MOGAT1: variants seen among roughly 807,000 people sequenced by gnomAD.
MOGAT1 encodes the protein monoacylglycerol O-acyltransferase 1.
MOGAT1 carries 32 observed loss-of-function variants against 31.4 expected under a neutral mutation model. The observed-to-expected ratio is 1.02, with a 90% CI of 0.77 to 1.37. MOGAT1 has a LOEUF of 1.37. MOGAT1 is among the 40% of genes most tolerant of loss of function. The pLI is 0.00. For missense variants in MOGAT1, 426 were observed against 402.0 expected, an observed-to-expected ratio of 1.06 and a Z score of -0.51; for synonymous variants, 145 against 144.5, an observed-to-expected ratio of 1.00 and a Z score of -0.03.
At chr2:222,675,540 C>T (rs1214273102) in intron 1 of MOGAT1, among the ~76,000 whole-genome samples, 2 of 144,544 alleles carry the variant, frequency 1.4e-5, no homozygotes, top group Non-Finnish European at 3.0e-5. Flanking sequence ...AGTGCAGTGG[C>T]GCGATCTCGG....
At chr2:222,675,721 T>C (rs981482467) in intron 1 of MOGAT1, among the ~76,000 whole-genome samples, 8 of 152,124 alleles carry the variant, frequency 5.3e-5, no homozygotes, top group Non-Finnish European at 1.2e-4. Flanking sequence ...CCTTGTGATC[T>C]GCCTGCCTCG....
chr2:222,703,763 C>G (rs1186163200), intron 5 of MOGAT1, among the ~76,000 whole-genome samples: 2 of 152,098 alleles, frequency 1.3e-5, no homozygotes, highest in Non-Finnish European at 2.9e-5. Flanking sequence ...GAGAGCAATT[C>G]CTGCATGAGA....
At chr2:222,689,729 T>TTAA (rs1189744784) in intron 3 of MOGAT1, among the ~76,000 whole-genome samples, 1 of 152,194 alleles carries the variant, frequency 6.6e-6, no homozygotes, top group Non-Finnish European at 1.5e-5. Flanking sequence ...GTTCAATGAA[T>TTAA]ATTAACACAA....
chr2:222,682,489 G>A (rs1692596295), intron 1 of MOGAT1, among the ~76,000 whole-genome samples: 1 of 152,154 alleles, frequency 6.6e-6, no homozygotes, highest in South Asian at 2.1e-4. Context: ...ACTTGACTAA[G>A]GTGATGGAAT....
At position 222,709,676 on chromosome 2, in the gene MOGAT1, C is replaced by A; in HGVS notation, c.854-60C>A. 4 of 1,498,686 alleles carry A rather than the reference C, an allele frequency of 2.7e-6. No individual in the cohort carries two copies. In the South Asian group the frequency reaches 4.9e-5, roughly 18 times the overall value. The allele number at this position is 1,498,686 out of a possible 1,614,324, so 92.8% of individuals were successfully genotyped here. A position where few individuals can be genotyped will look rare whatever the true frequency, so the allele number is the denominator to read the frequency against. ...TGTGTTCACAGCTGTGCATTAGGGGCGGCGGTCTGTGGTGGAGTGGTTTTA... is the reference window on the plus strand; with the variant it reads ...TGTGTTCACAGCTGTGCATTAGGGGAGGCGGTCTGTGGTGGAGTGGTTTTA... On this transcript the variant is annotated intron_variant, in intron 5 of 5. Transcript: ENST00000446656.
intron 1 of MOGAT1, among the ~76,000 whole-genome samples, chr2:222,687,043 G>A (rs865884107): frequency 7.5e-5 from 11 of 146,558 alleles, no homozygotes; most frequent in Admixed American, 1.4e-4. Flanking sequence ...GAACCCAGGA[G>A]GCAGAGGCTG....
chr2:222,692,890 C>G (rs1417436920), intron 3 of MOGAT1, among the ~76,000 whole-genome samples: 1 of 152,132 alleles, frequency 6.6e-6, no homozygotes, highest in Admixed American at 6.5e-5. Flanking sequence ...ATGCACCCAA[C>G]TCTCACTCAG....
chr2:222,688,052 C>T (rs534106205), intron 1 of MOGAT1, among the ~76,000 whole-genome samples: 1 of 152,128 alleles, frequency 6.6e-6, no homozygotes, highest in African/African-American at 2.4e-5. Context: ...TCTACCGATT[C>T]CTTCCACCTC....
intron 1 of MOGAT1, among the ~76,000 whole-genome samples, chr2:222,682,371 A>G (rs78393626): frequency 0.018 from 2,802 of 152,266 alleles, 58 homozygotes; most frequent in African/African-American, 0.05. Context: ...CTTTTCCTTT[A>G]TAAGTAGACC....
chr2:222,683,891 T>C (rs1692623118), intron 1 of MOGAT1, among the ~76,000 whole-genome samples: 1 of 152,216 alleles, frequency 6.6e-6, no homozygotes, highest in African/African-American at 2.4e-5. Context: ...TCAACTCAAC[T>C]TGGTTTGTGA....
At chr2:222,695,595 T>C (rs1692826370) in intron 5 of MOGAT1, among the ~76,000 whole-genome samples, 1 of 152,218 alleles carries the variant, frequency 6.6e-6, no homozygotes, top group Non-Finnish European at 1.5e-5. Flanking sequence ...AATTATAGCA[T>C]AGCAATTCTT....
intron 1 of MOGAT1, among the ~76,000 whole-genome samples, chr2:222,683,710 A>AAGTG (rs1395300176): frequency 6.6e-6 from 1 of 152,056 alleles, no homozygotes; most frequent in East Asian, 1.9e-4. Flanking sequence ...CTGGGCAACA[A>AAGTG]AGTGAGACTC....
intron 1 of MOGAT1, among the ~76,000 whole-genome samples, chr2:222,686,946 C>G (rs150059582): frequency 6.6e-6 from 1 of 151,702 alleles, no homozygotes; most frequent in Non-Finnish European, 1.5e-5. Flanking sequence ...AACCCTGTCT[C>G]TACTAAAAAA....
chr2:222,683,033 A>G (rs921975625), intron 1 of MOGAT1, among the ~76,000 whole-genome samples: 1 of 152,018 alleles, frequency 6.6e-6, no homozygotes, highest in African/African-American at 2.4e-5. Context: ...GCAAGATCCT[A>G]TCTTTACAAA....
chr2:222,671,764 G>A lies in MOGAT1; in HGVS notation c.-22G>A. 1 of 1,545,418 alleles carries A rather than the reference G, an allele frequency of 6.5e-7. No individual in the cohort carries two copies. The highest frequency in any genetic ancestry group is 8.7e-7 in the Non-Finnish European group (1 of 1,143,492). On this transcript the variant is annotated 5_prime_UTR_variant, in exon 1 of 6. Transcript: ENST00000446656. ...GTGGGTGCAGGCTGCAGTGGCTGGCGCCGTCCTCGCCCGGCCAGGCCATGA... is the reference window on the plus strand; with the variant it reads ...GTGGGTGCAGGCTGCAGTGGCTGGCACCGTCCTCGCCCGGCCAGGCCATGA...
intron 2 of MOGAT1, among the ~76,000 whole-genome samples, chr2:222,689,064 G>C (rs1692719565): frequency 6.6e-6 from 1 of 152,176 alleles, no homozygotes. Flanking sequence ...AAGCTGACTT[G>C]ACAAAATCTA....
chr2:222,702,453 G>A (rs534878966), intron 5 of MOGAT1, among the ~76,000 whole-genome samples: 1 of 152,206 alleles, frequency 6.6e-6, no homozygotes, highest in South Asian at 2.1e-4. Context: ...TCACATGATT[G>A]AATCATTGAT....
intron 1 of MOGAT1, among the ~76,000 whole-genome samples, chr2:222,687,690 A>G (rs1424691628): frequency 6.6e-6 from 1 of 152,190 alleles, no homozygotes; most frequent in African/African-American, 2.4e-5. Flanking sequence ...GATGCATGCT[A>G]AGATCTGAAG....
At chr2:222,672,549 G>A (rs1692433601) in intron 1 of MOGAT1, among the ~76,000 whole-genome samples, 1 of 152,056 alleles carries the variant, frequency 6.6e-6, no homozygotes, top group Non-Finnish European at 1.5e-5. Context: ...AAACGTGGGT[G>A]GTTTTTCTTT....
Sources: allele counts gnomAD v4.1 joint callset (sites outside exome capture counted in the v4.1 genomes callset), GRCh38; gene constraint gnomAD v4.1.1; transcripts MANE v1.5; gene names NCBI Gene and HGNC (gene_info 2026-07-23, HGNC 2026-07-21).